HEYL: variants seen among roughly 807,000 people sequenced by gnomAD.
The protein encoded by HEYL is hes related family bHLH transcription factor with YRPW motif like, also known as hairy/enhancer-of-split related with YRPW motif-like protein.
HEYL carries 12 observed loss-of-function variants against 18.6 expected under a neutral mutation model. The ratio of observed to expected loss-of-function variants is 0.65; its 90% CI spans 0.41 to 1.05. The LOEUF is 1.05. Among genes scored for constraint, HEYL ranks in the 50% least tolerant of loss-of-function variants. HEYL has a pLI of 0.00. For synonymous variants in HEYL, 159 were observed against 179.6 expected, an observed-to-expected ratio of 0.89 and a Z score of 0.91; for missense variants, 420 against 444.7, an observed-to-expected ratio of 0.94 and a Z score of 0.50.
intron 1 of HEYL, among the ~76,000 whole-genome samples, chr1:39,634,341 C>T (rs1000031229): frequency 2.5e-4 from 38 of 152,146 alleles, no homozygotes; most frequent in African/African-American, 5.8e-4. Context: ...GTGATCTGCC[C>T]GCCTTGGCCT....
intron 2 of HEYL, among the ~76,000 whole-genome samples, chr1:39,631,828 G>A (rs1646335054): frequency 6.6e-6 from 1 of 152,226 alleles, no homozygotes; most frequent in African/African-American, 2.4e-5. Flanking sequence ...TGATATTCAA[G>A]ATGTTTAACC....
chr1:39,630,428 G>A, intron 3 of HEYL, 120 bp from the exon 4 acceptor site: 1 of 812,462 alleles, frequency 1.2e-6, no homozygotes, highest in East Asian at 2.4e-5. Context: ...GCCTGCAAAT[G>A]GGCTTCTGCT....
intron 1 of HEYL, among the ~76,000 whole-genome samples, 161 bp downstream of exon 1, chr1:39,639,385 G>C (rs755513398): frequency 1.3e-5 from 2 of 152,116 alleles, no homozygotes; most frequent in Non-Finnish European, 2.9e-5. Context: ...GTAACGGCAC[G>C]GCCCGCACAC....
chr1:39,627,204 G>A, intron 4 of HEYL, 24 bp from the exon 5 acceptor site: 3 of 1,592,820 alleles, frequency 1.9e-6, no homozygotes, highest in Non-Finnish European at 2.6e-6. Flanking sequence ...CGTGATGAAG[G>A]TCATGCCAGG....
intron 1 of HEYL, 69 bp from the exon 2 acceptor site, chr1:39,632,784 G>A: frequency 6.3e-7 from 1 of 1,592,426 alleles, no homozygotes; most frequent in Non-Finnish European, 8.5e-7. Flanking sequence ...GCCGACCTCG[G>A]GCCAGGAGGA....
chr1:39,632,694 G>A lies in HEYL; in HGVS notation c.102C>T (p.Ser34=). The change falls in exon 2 of 5, where the codon TCC becomes TCT. Residue 34 remains serine, a synonymous_variant. Coordinates refer to ENST00000372852, the MANE Select transcript of HEYL (RefSeq NM_014571.4). ...GQLSQMARPL[S]TPSSSQMQAR... ...CTTGCATCTGCGAAGAGCTGGGGGT[G>A]GACAGCGGCCTGGCCATCTGGCTGG... is the stretch of plus-strand genomic sequence containing the variant. 2 of 1,614,024 alleles carry A rather than the reference G, an allele frequency of 1.2e-6. No homozygotes were observed. The highest frequency in any genetic ancestry group is 1.7e-6 in the Non-Finnish European group (2 of 1,179,930).
chr1:39,636,716 A>AT (rs1646363804), intron 1 of HEYL, among the ~76,000 whole-genome samples: 1 of 152,164 alleles, frequency 6.6e-6, no homozygotes. Context: ...TAAGTGAAGT[A>AT]TTTTTTGGGC....
At position 39,626,776 on chromosome 1, in the gene HEYL, G is replaced by C. The variant is rs769070110; in HGVS notation, c.718C>G (p.Arg240Gly). The C allele has an allele frequency of 6.4e-7, 1 of 1,551,266 alleles. No homozygotes were observed. ...GCCCTCCGGGTGGAAGATGCCCCTC[G>C]ACTGGGCAGCACATTCCTCCGGGCT... ...LPARRNVLPS[R>G]GASSTRRARP... The change falls in exon 5 of 5, where the codon CGA becomes GGA. Residue 240 changes from arginine to glycine, a missense_variant. Transcript: ENST00000372852.
chr1:39,639,215 A>T (rs1314791073), intron 1 of HEYL, among the ~76,000 whole-genome samples: 1 of 152,174 alleles, frequency 6.6e-6, no homozygotes, highest in Non-Finnish European at 1.5e-5. Flanking sequence ...GAGTTTTCTA[A>T]GATCTCCAGG....
At chr1:39,632,783 G>A (rs1033548144) in intron 1 of HEYL, 68 bp from the exon 2 acceptor site, 4 of 1,591,522 alleles carry the variant, frequency 2.5e-6, no homozygotes, top group African/African-American at 2.7e-5. Context: ...GGCCGACCTC[G>A]GGCCAGGAGG....
Position 39,624,822 on chromosome 1 carries a change from C to T in HEYL, c.*1685G>A, listed in dbSNP as rs1373122273. 1 of 152,236 alleles carries T rather than the reference C, an allele frequency of 6.6e-6. No individual in the cohort carries two copies. Among genetic ancestry groups the T allele is most frequent in the Non-Finnish European group, 1.5e-5 (1 of 68,058 alleles). 9.4% of individuals were successfully genotyped at this position (152,236 alleles called of 1,614,324 possible). A position where few individuals can be genotyped will look rare whatever the true frequency, so the allele number is the denominator to read the frequency against. Reference sequence around the variant, plus strand: ...ACTAAAAAATGAAAGAGGTGCTTTCCTCTTTATCTCTCCTTGAGGAGTCTG... The same window carrying T: ...ACTAAAAAATGAAAGAGGTGCTTTCTTCTTTATCTCTCCTTGAGGAGTCTG... On this transcript the variant is annotated 3_prime_UTR_variant, in exon 5 of 5. Transcript: ENST00000372852.
At chr1:39,631,403 G>T in intron 3 of HEYL, 93 bp downstream of exon 3, 1 of 1,018,094 alleles carries the variant, frequency 9.8e-7, no homozygotes, top group Non-Finnish European at 1.5e-6. Context: ...ATCTCAGGCA[G>T]CTGCTACCAA....
intron 3 of HEYL, 140 bp downstream of exon 3, chr1:39,631,356 C>T: frequency 2.9e-6 from 2 of 699,058 alleles, no homozygotes; most frequent in Non-Finnish European, 5.1e-6. Context: ...ATTCCTTTTA[C>T]CCTGGCCAGT....
Position 39,639,600 on chromosome 1 carries a change from C to G in HEYL, c.26G>C (p.Gly9Ala), listed in dbSNP as rs1190559235. The change falls in exon 1 of 5, where the codon GGC becomes GCC. Residue 9 changes from glycine to alanine, a missense_variant. By Grantham distance (60) the Gly-to-Ala change is moderately conservative. Transcript: ENST00000372852. MKRPKEPS[G>A]SDGESDGPID... ...GGGTCCGTCGGACTCCCCGTCGGAG[C>G]CGCTCGGCTCCTTGGGTCGCTTCAT... 6.3e-7 allele frequency: 1 copy of G among 1,575,500 alleles called. No individual in the cohort carries two copies. Among genetic ancestry groups the G allele is most frequent in the African/African-American group, 1.4e-5 (1 of 70,880 alleles).
At position 39,626,129 on chromosome 1, in the gene HEYL, A is replaced by T; in HGVS notation, c.*378T>A. 5.4e-6 allele frequency: 1 copy of T among 185,058 alleles called. No homozygotes were observed. 11.5% of individuals were successfully genotyped at this position (185,058 alleles called of 1,614,324 possible). ...CTGGGGTCTGACCGCCCCAAGGAAC[A>T]GCCTGCCTTGGGTCCTGGTGCCCTG... On this transcript the variant is annotated 3_prime_UTR_variant, in exon 5 of 5. Coordinates refer to ENST00000372852, the MANE Select transcript of HEYL (RefSeq NM_014571.4).
Position 39,626,333 on chromosome 1 carries a change from A to G in HEYL, c.*174T>C, listed in dbSNP as rs115608339. On this transcript the variant is annotated 3_prime_UTR_variant, in exon 5 of 5. Coordinates refer to ENST00000372852, the MANE Select transcript of HEYL (RefSeq NM_014571.4). ...AGGAGAGCTGGGTGGATAAGCTGGG[A>G]TAACAGTGAGAAGGAGAGATGGGTT... The G allele has an allele frequency of 5.0e-6, 3 of 603,948 alleles. No individual in the cohort carries two copies. Among genetic ancestry groups the G allele is most frequent in the African/African-American group, 3.8e-5 (2 of 53,094 alleles). 37.4% of individuals were successfully genotyped at this position (603,948 alleles called of 1,614,324 possible).
rs1293240275 is a variant in HEYL at position 39,632,776 on chromosome 1, C to T, written c.81-61G>A. ...GGGGGACAGTCTCCCCGGCCTGGGCCGACCTCGGGCCAGGAGGAGCCACAG... is the reference window on the plus strand; with the variant it reads ...GGGGGACAGTCTCCCCGGCCTGGGCTGACCTCGGGCCAGGAGGAGCCACAG... On this transcript the variant is annotated intron_variant, in intron 1 of 4. Transcript: ENST00000372852. 4 of 1,599,818 alleles carry T rather than the reference C, an allele frequency of 2.5e-6. No individual in the cohort carries two copies. The South Asian group carries it at 4.5e-5, about 18-fold the overall frequency.
chr1:39,631,860 C>T (rs1646335197), intron 2 of HEYL, among the ~76,000 whole-genome samples: 1 of 152,176 alleles, frequency 6.6e-6, no homozygotes, highest in South Asian at 2.1e-4. Flanking sequence ...AGGGCACAGC[C>T]AATCACAATG....
intron 1 of HEYL, 77 bp from the exon 2 acceptor site, chr1:39,632,792 G>A (rs1467019273): frequency 1.9e-6 from 3 of 1,588,808 alleles, no homozygotes; most frequent in Non-Finnish European, 2.6e-6. Context: ...CGGGCCAGGA[G>A]GAGCCACAGG....
Sources: gnomAD v4.1 joint callset for allele counts (sites outside exome capture counted in the v4.1 genomes callset) on GRCh38, gnomAD v4.1.1 for gene constraint, MANE v1.5 for transcripts, NCBI Gene and HGNC (gene_info 2026-07-23, HGNC 2026-07-21) for gene names.